AASS: variants seen among roughly 807,000 people sequenced by gnomAD.
AASS encodes the protein alpha-aminoadipic semialdehyde synthase, mitochondrial.
In AASS, 86 loss-of-function variants were observed where a neutral mutation model predicts 105.4. That is an observed-to-expected ratio of 0.82 (90% CI 0.69 to 0.98). The LOEUF (loss-of-function observed/expected upper bound fraction) is 0.98, where lower values mean the gene tolerates loss of function less well. AASS is among the 50% of genes least tolerant of loss of function. The pLI, the probability that AASS is intolerant of heterozygous loss-of-function variation, is 0.00. For missense variants in AASS, 1,048 were observed against 1,143.2 expected (o/e 0.92, Z 1.20); for synonymous variants, 381 against 394.8 (o/e 0.96, Z 0.41).
At position 122,114,904 on chromosome 7, in the gene AASS, A is replaced by T. The variant is rs56052527; in HGVS notation, c.1043+170T>A. On this transcript the variant is annotated intron_variant, in intron 9 of 23. Coordinates refer to ENST00000417368, the MANE Select transcript of AASS (RefSeq NM_005763.4). ...AGATAAATATATACAATAAAATTTT[A>T]AAAAAAAAAGGAGAGATGGTTAACA... Among the ~76,000 whole-genome samples the T allele has an allele frequency of 0.041, 6,105 of 149,898 alleles. 151 individuals carry two copies. Among genetic ancestry groups the T allele is most frequent in the Middle Eastern group, 0.062 (18 of 292 alleles).
intron 4 of AASS, among the ~76,000 whole-genome samples, chr7:122,125,651 G>A (rs1795624742): frequency 6.6e-6 from 1 of 152,224 alleles, no homozygotes; most frequent in Non-Finnish European, 1.5e-5. Context: ...GTAACTTGTG[G>A]AATGCTGAGA....
At chr7:122,132,813 A>G (rs1392064845) in intron 2 of AASS, among the ~76,000 whole-genome samples, 3 of 152,316 alleles carry the variant, frequency 2.0e-5, no homozygotes, top group East Asian at 3.9e-4. Context: ...TGTCAATATC[A>G]TTGAAACAAA....
At chr7:122,137,401 T>A (rs1299022503) in intron 1 of AASS, among the ~76,000 whole-genome samples, 1 of 152,154 alleles carries the variant, frequency 6.6e-6, no homozygotes, top group East Asian at 1.9e-4. Context: ...AACTCTTGTT[T>A]CAGAAAGAAA....
At chr7:122,142,219 C>T (rs1419151747) in intron 1 of AASS, among the ~76,000 whole-genome samples, 1 of 152,136 alleles carries the variant, frequency 6.6e-6, no homozygotes, top group Non-Finnish European at 1.5e-5. Context: ...CCTCTTAGGG[C>T]TCTTAAGACG....
chr7:122,132,683 G>A (rs1384699957), intron 2 of AASS, among the ~76,000 whole-genome samples: 3 of 151,952 alleles, frequency 2.0e-5, no homozygotes, highest in Admixed American at 2.0e-4. Flanking sequence ...AAACATTTTT[G>A]GCATGAATAT....
At chr7:122,082,671 C>G in intron 19 of AASS, 2 of 431,598 alleles carry the variant, frequency 4.6e-6, no homozygotes, top group Non-Finnish European at 8.2e-6. Context: ...AATGCCTAGT[C>G]CATGGTGAAC....
Position 122,075,091 on chromosome 7 carries a change from G to A in AASS, c.*1398C>T, listed in dbSNP as rs1338667508. Among the ~76,000 whole-genome samples the A allele has an allele frequency of 1.3e-5, 2 of 152,092 alleles. No homozygotes were observed. The highest frequency in any genetic ancestry group is 2.4e-5 in the African/African-American group (1 of 41,404). On this transcript the variant is annotated 3_prime_UTR_variant, in exon 24 of 24. Transcript: ENST00000417368. ...GAGATGGGATCTCACTGTTTCCCAG[G>A]CTGGTCTCCTGGCCTCTAGCAGTCT...
At chr7:122,081,439 C>T (rs543148580) in intron 20 of AASS, 61 bp downstream of exon 20, 55 of 1,314,430 alleles carry the variant, frequency 4.2e-5, no homozygotes, top group East Asian at 4.1e-4. Flanking sequence ...AGTTCACCCC[C>T]GACCATTTCA....
chr7:122,089,960 C>A (rs901718876), intron 18 of AASS, among the ~76,000 whole-genome samples: 2 of 152,268 alleles, frequency 1.3e-5, no homozygotes, highest in Non-Finnish European at 2.9e-5. Context: ...GTAAAAGGAG[C>A]TGTTGGAATG....
chr7:122,141,677 A>C (rs1796407988), intron 1 of AASS, among the ~76,000 whole-genome samples: 2 of 131,982 alleles, frequency 1.5e-5, no homozygotes, highest in East Asian at 2.1e-4. Context: ...AAAAAAAAAA[A>C]AAAAAAAACT....
At chr7:122,140,532 T>C (rs1475074439) in intron 1 of AASS, among the ~76,000 whole-genome samples, 1 of 145,312 alleles carries the variant, frequency 6.9e-6, no homozygotes, top group Non-Finnish European at 1.5e-5. Flanking sequence ...ATTGCACCTC[T>C]TAATTTCTGT....
In AASS at chr7:122,121,295, T is replaced by C. The variant is rs549438481; in HGVS notation, c.473-2665A>G. Among the ~76,000 whole-genome samples the C allele has an allele frequency of 3.3e-5, 5 of 152,344 alleles. No individual in the cohort carries two copies. The East Asian group carries it at 9.6e-4, about 29-fold the overall frequency. The stretch of plus-strand genomic sequence containing the variant: ...TACAAAAGTATGGTTCTATTCCTTT[T>C]CACCTGTCCATCATTATTGGTGACA... On this transcript the variant is annotated intron_variant, in intron 4 of 23. Transcript: ENST00000417368.
chr7:122,133,265 G>A (rs1381098501), intron 2 of AASS, among the ~76,000 whole-genome samples: 1 of 152,178 alleles, frequency 6.6e-6, no homozygotes, highest in African/African-American at 2.4e-5. Context: ...CTGGGTGCAA[G>A]AATGGAGTCT....
intron 11 of AASS, among the ~76,000 whole-genome samples, chr7:122,110,127 T>C (rs1794863814): frequency 1.3e-5 from 2 of 151,894 alleles, no homozygotes; most frequent in South Asian, 4.1e-4. Flanking sequence ...AAATAAAGAA[T>C]ATAGTATAGG....
Position 122,114,930 on chromosome 7 carries a change from G to T in AASS, c.1043+144C>A. 3 of 1,024,972 alleles carry T rather than the reference G, an allele frequency of 2.9e-6. No homozygotes were observed. In the Admixed American group the frequency reaches 5.5e-5, roughly 19 times the overall value. The allele number at this position is 1,024,972 out of a possible 1,614,324, so 63.5% of individuals were successfully genotyped here. On this transcript the variant is annotated intron_variant, in intron 9 of 23. Transcript: ENST00000417368. ...AAAAAAAAAGGAGAGATGGTTAACAGTGTTGAGTACTGCCAAGAGGTCAAG... is the reference window on the plus strand; with the variant it reads ...AAAAAAAAAGGAGAGATGGTTAACATTGTTGAGTACTGCCAAGAGGTCAAG...
At chr7:122,085,089 G>C (rs1034343502) in intron 19 of AASS, among the ~76,000 whole-genome samples, 3 of 152,094 alleles carry the variant, frequency 2.0e-5, no homozygotes, top group African/African-American at 4.8e-5. Flanking sequence ...CCAATGACTA[G>C]TGCCCTAATA....
chr7:122,077,698 G>T, intron 23 of AASS, 140 bp downstream of exon 23: 2 of 1,059,888 alleles, frequency 1.9e-6, no homozygotes, highest in Non-Finnish European at 2.9e-6. Flanking sequence ...CTCCCAGGCA[G>T]TCCGCGCTTG....
In AASS at chr7:122,073,857, C is replaced by T. The variant is rs554075923; in HGVS notation, c.*2632G>A. On this transcript the variant is annotated 3_prime_UTR_variant, in exon 24 of 24. Coordinates refer to ENST00000417368, the MANE Select transcript of AASS (RefSeq NM_005763.4). ...TATGTGGCCTTTCATGTCTGGCATT[C>T]TTCACTTGATATGTTTTCAAGGTTT... Among the ~76,000 whole-genome samples, 113 of 152,254 alleles carry T rather than the reference C, an allele frequency of 7.4e-4. 1 individual carries two copies. In the South Asian group the frequency reaches 0.018, roughly 24 times the overall value.
At chr7:122,081,847 A>G (rs1793345542) in intron 19 of AASS, 3 of 475,914 alleles carry the variant, frequency 6.3e-6, no homozygotes, top group Non-Finnish European at 1.1e-5. Context: ...AACTGAGATC[A>G]ATAGTGTCAT....
Sources: allele counts gnomAD v4.1 joint callset (sites outside exome capture counted in the v4.1 genomes callset), GRCh38; gene constraint gnomAD v4.1.1; transcripts MANE v1.5; gene names NCBI Gene and HGNC (gene_info 2026-07-23, HGNC 2026-07-21).